ALDH16A1: variants seen among roughly 807,000 people sequenced by gnomAD.
ALDH16A1 encodes the protein aldehyde dehydrogenase family 16 member A1.
A neutral mutation model predicts 96.1 loss-of-function variants in ALDH16A1; 88 were observed. The ratio of observed to expected loss-of-function variants is 0.92; its 90% CI spans 0.77 to 1.09. ALDH16A1 has a LOEUF of 1.09. Ranked by LOEUF, ALDH16A1 falls within the 50% of genes least tolerant of loss-of-function variation. ALDH16A1 has a pLI of 0.00. For missense variants in ALDH16A1, 1,250 were observed against 1,112.6 expected (o/e 1.12, Z -1.76); for synonymous variants, 522 against 496.4 (o/e 1.05, Z -0.69).
At chr19:49,457,108 CAA>C (rs1050649181) in intron 1 of ALDH16A1, among the ~76,000 whole-genome samples, 1 of 119,574 alleles carries the variant, frequency 8.4e-6, no homozygotes. Flanking sequence ...GACTCCATCT[CAA>C]AAAAAAAAAA....
intron 16 of ALDH16A1, chr19:49,469,767 G>C (rs1407266774): frequency 6.6e-6 from 1 of 151,656 alleles, no homozygotes; most frequent in African/African-American, 2.4e-5. Flanking sequence ...TTTTAGTAGA[G>C]ATGGGGTTTC....
Position 49,468,432 on chromosome 19 carries a change from C to T in ALDH16A1, c.1990C>T (p.Leu664=), listed in dbSNP as rs780187646. The change falls in exon 15 of 17, where the codon CTG becomes TTG. Residue 664 remains leucine (L), a synonymous_variant. Transcript: ENST00000293350. This position sits in a 1 kb window ranked among gnomAD's most constrained non-coding sequence, Gnocchi z 4.4. ...GCGCCTGCGGGAGCCGCTGGGTGTG[C>T]TGGCTGTGGTGTGTCCGGACGAGTG... ...VLRLREPLGV[L]AVVCPDEWPL... is the part of the protein sequence containing the mutation. 2 of 1,601,324 alleles carry T rather than the reference C, an allele frequency of 1.2e-6. No homozygotes were observed. The highest frequency in any genetic ancestry group is 8.5e-7 in the Non-Finnish European group (1 of 1,179,874).
In ALDH16A1 at chr19:49,468,023, G is replaced by C. The variant is rs1455126261; in HGVS notation, c.1939-358G>C. On this transcript the variant is annotated intron_variant, in intron 14 of 16. Transcript: ENST00000293350. This position sits in a 1 kb window ranked among gnomAD's most constrained non-coding sequence, Gnocchi z 4.4. ...CAAAAAAAAAAAATTAGCCGGGCAT[G>C]GTGGCAGGTGCCTGTAGTCTCAGCT... Among the ~76,000 whole-genome samples, 1 of 151,736 alleles carries C rather than the reference G, an allele frequency of 6.6e-6. No individual in the cohort carries two copies. The highest frequency in any genetic ancestry group is 2.4e-5 in the African/African-American group (1 of 41,302).
chr19:49,453,507 C>A, intron 1 of ALDH16A1, 86 bp downstream of exon 1: 1 of 1,265,142 alleles, frequency 7.9e-7, no homozygotes, highest in Non-Finnish European at 1.1e-6. Context: ...TCATCCACTG[C>A]GGTAGCTCAG....
At chr19:49,469,204 G>C (rs541114147) in intron 16 of ALDH16A1, 4 of 541,522 alleles carry the variant, frequency 7.4e-6, no homozygotes, top group South Asian at 2.7e-5. Flanking sequence ...CAAAGACCTC[G>C]TCTCAGGGGA....
In ALDH16A1 at chr19:49,461,733, C is replaced by T. The variant is rs370344103; in HGVS notation, c.692C>T (p.Ala231Val). 2.0e-5 allele frequency: 33 copies of T among 1,609,826 alleles called. No individual in the cohort carries two copies. Among genetic ancestry groups the T allele is most frequent in the African/African-American group, 2.7e-5 (2 of 74,794 alleles). ...ATCCTGAATGTCCTCAGTGGCCCTG[C>T]GTCCCTGGTGCCCATCCTGGCCTCC... ...PGILNVLSGP[A>V]SLVPILASQP... Residue 231 changes from alanine (A) to valine (V), a missense_variant, in exon 6 of 17, where the codon GCG (alanine) becomes GTG (valine). By Grantham distance (64) the Ala-to-Val change is moderately conservative (BLOSUM62 0). Transcript: ENST00000293350.
chr19:49,464,536 C>G lies in ALDH16A1; in HGVS notation c.1437+14C>G. The G allele has an allele frequency of 6.2e-7, 1 of 1,613,466 alleles. No homozygotes were observed. The highest frequency in any genetic ancestry group is 8.5e-7 in the Non-Finnish European group (1 of 1,179,628). ...GGGGGCCCAGACGTGAGTACATCCC[C>G]TCCCCGTCACCAGCCCCCCCGCCGC... On this transcript the variant is annotated intron_variant, in intron 11 of 16. Transcript: ENST00000293350.
Position 49,468,911 on chromosome 19 carries a change from A to G in ALDH16A1, c.2172A>G (p.Gly724=). The change falls in exon 16 of 17, where the codon GGA becomes GGG. Residue 724 remains glycine, a synonymous_variant. Transcript: ENST00000293350. The surrounding 1 kb of genome is among the most constrained non-coding windows in gnomAD (Gnocchi z 4.4). ...FPAGLANVVT[G]DRDHLTRCLA... is the part of the protein sequence containing the mutation. ...CAGGCCTGGCCAACGTGGTGACAGG[A>G]GACCGGGACCATCTGACCCGCTGCC... The G allele has an allele frequency of 6.2e-7, 1 of 1,614,050 alleles. No individual in the cohort carries two copies. Among genetic ancestry groups the G allele is most frequent in the Non-Finnish European group, 8.5e-7 (1 of 1,180,018 alleles).
chr19:49,453,406 C>T lies in ALDH16A1; in HGVS notation c.75C>T (p.Ser25=). The T allele has an allele frequency of 6.4e-7, 1 of 1,554,178 alleles. No homozygotes were observed. Among genetic ancestry groups the T allele is most frequent in the Non-Finnish European group, 8.7e-7 (1 of 1,151,428 alleles). Residue 25 remains serine, a synonymous_variant, in exon 1 of 17, where the codon AGC becomes AGT. Transcript: ENST00000293350. The part of the protein sequence containing the change: ...TSLEYGPVPE[S]HACALAWLDT... ...TGGAGTACGGACCGGTGCCGGAGAG[C>T]CACGCATGCGCACTGGTGAGAGTCT...
intron 14 of ALDH16A1, among the ~76,000 whole-genome samples, chr19:49,466,800 C>T (rs887462273): frequency 7.2e-5 from 11 of 151,942 alleles, no homozygotes; most frequent in Admixed American, 6.6e-4. Flanking sequence ...GCAGTGGTTG[C>T]AGTGAGCCGA....
chr19:49,468,017 G>A lies in ALDH16A1; in HGVS notation c.1939-364G>A, dbSNP rs1056860792. The stretch of plus-strand genomic sequence containing the variant: ...AATATACAAAAAAAAAAAATTAGCC[G>A]GGCATGGTGGCAGGTGCCTGTAGTC... On this transcript the variant is annotated intron_variant, in intron 14 of 16. Coordinates refer to ENST00000293350, the MANE Select transcript of ALDH16A1 (RefSeq NM_153329.4). The surrounding 1 kb of genome is among the most constrained non-coding windows in gnomAD (Gnocchi z 4.4). Among the ~76,000 whole-genome samples the A allele has an allele frequency of 1.3e-5, 2 of 151,796 alleles. No individual in the cohort carries two copies. The highest frequency in any genetic ancestry group is 2.1e-4 in the South Asian group (1 of 4,802).
At chr19:49,465,033 T>C (rs2914664) in intron 12 of ALDH16A1, among the ~76,000 whole-genome samples, 115,379 of 151,014 alleles carry the variant, frequency 0.76, 44,800 homozygotes, top group African/African-American at 0.87. Flanking sequence ...TTGGGGTCCC[T>C]CAGAGGCTCA....
At position 49,470,645 on chromosome 19, in the gene ALDH16A1, T is replaced by C; in HGVS notation, c.*178T>C. 1.8e-6 allele frequency: 1 copy of C among 563,786 alleles called. No individual in the cohort carries two copies. Among genetic ancestry groups the C allele is most frequent in the Non-Finnish European group, 2.6e-6 (1 of 379,480 alleles). 34.9% of individuals were successfully genotyped at this position (563,786 alleles called of 1,614,324 possible). On this transcript the variant is annotated 3_prime_UTR_variant, in exon 17 of 17. Coordinates refer to ENST00000293350, the MANE Select transcript of ALDH16A1 (RefSeq NM_153329.4). ...CAACTTCTGGCAGATATGAGGCTTTTTTCTTTTTTTTTTTTTTTTTTGAGA... is the reference window on the plus strand; with the variant it reads ...CAACTTCTGGCAGATATGAGGCTTTCTTCTTTTTTTTTTTTTTTTTTGAGA...
At position 49,466,215 on chromosome 19, in the gene ALDH16A1, G is replaced by C. The variant is rs1292459678; in HGVS notation, c.1870G>C (p.Val624Leu). The C allele has an allele frequency of 6.6e-7, 1 of 1,526,412 alleles. No homozygotes were observed. Among genetic ancestry groups the C allele is most frequent in the East Asian group, 2.4e-5 (1 of 42,492 alleles). 94.6% of individuals were successfully genotyped at this position (1,526,412 alleles called of 1,614,324 possible). Reference sequence around the variant, plus strand: ...GGAGCTCAAGGCTGCGGAGGCGGAGGTGGAGCTGAGCGCAAGACGACTTCG... The same window carrying C: ...GGAGCTCAAGGCTGCGGAGGCGGAGCTGGAGCTGAGCGCAAGACGACTTCG... Reference protein sequence around the residue: ...GAELKAAEAEVELSARRLRAW... With the variant: ...GAELKAAEAELELSARRLRAW... Residue 624 changes from valine to leucine, a missense_variant, in exon 14 of 17, where the codon GTG (valine) becomes CTG (leucine). Coordinates refer to ENST00000293350, the MANE Select transcript of ALDH16A1 (RefSeq NM_153329.4).
chr19:49,470,673 A>G lies in ALDH16A1; in HGVS notation c.*206A>G, dbSNP rs2079238959. ...CTTTTTTTTTTTTTTTTTTGAGACA[A>G]CGTCTGGCTCTGTCACCCAGGCTGG... On this transcript the variant is annotated 3_prime_UTR_variant, in exon 17 of 17. Coordinates refer to ENST00000293350, the MANE Select transcript of ALDH16A1 (RefSeq NM_153329.4). 4.3e-6 allele frequency: 2 copies of G among 460,282 alleles called. No homozygotes were observed. The highest frequency in any genetic ancestry group is 7.1e-6 in the Non-Finnish European group (2 of 282,494). The allele number at this position is 460,282 out of a possible 1,614,324, so 28.5% of individuals were successfully genotyped here. A position where few individuals can be genotyped will look rare whatever the true frequency, so the allele number is the denominator to read the frequency against.
At position 49,466,084 on chromosome 19, in the gene ALDH16A1, G is replaced by T; in HGVS notation, c.1739G>T (p.Trp580Leu). The change falls in exon 14 of 17, where the codon TGG becomes TTG. Residue 580 changes from tryptophan to leucine, a missense_variant and splice_region_variant. Transcript: ENST00000293350. ...CACTGTGCGCTGTCTGCCCACAGCT[G>T]GGCGGGCCAGTCCCCAGGAGCCCGG... is the stretch of plus-strand genomic sequence containing the variant. ...VEAAHQAFPG[W>L]AGQSPGARAA... The T allele has an allele frequency of 1.9e-6, 3 of 1,542,122 alleles. No individual in the cohort carries two copies. Among genetic ancestry groups the T allele is most frequent in the Non-Finnish European group, 2.6e-6 (3 of 1,147,354 alleles).
At position 49,464,399 on chromosome 19, in the gene ALDH16A1, C is replaced by T. The variant is rs374982664; in HGVS notation, c.1332-18C>T. The T allele has an allele frequency of 1.7e-4, 262 of 1,586,774 alleles. 3 individuals carry two copies. The East Asian group carries it at 3.2e-3, about 19-fold the overall frequency. ...ACCGTCTGTTTTCCTCTGTTGGACA[C>T]CTTCATCTTCCCCACAGGCTCCAGG... On this transcript the variant is annotated intron_variant, in intron 10 of 16. Transcript: ENST00000293350.
At chr19:49,465,628 G>A in intron 12 of ALDH16A1, 110 bp from the exon 13 acceptor site, 6 of 1,337,278 alleles carry the variant, frequency 4.5e-6, no homozygotes, top group Non-Finnish European at 6.1e-6. Context: ...AGGGGTTTGG[G>A]GTGCCCCAGA....
At position 49,470,646 on chromosome 19, in the gene ALDH16A1, TTC is replaced by T; in HGVS notation, c.*181_*182del. ...AACTTCTGGCAGATATGAGGCTTTT[TTC>T]TTTTTTTTTTTTTTTTTTGAGACAA... On this transcript the variant is annotated 3_prime_UTR_variant, in exon 17 of 17. Transcript: ENST00000293350. The T allele has an allele frequency of 3.7e-6, 2 of 546,702 alleles. No homozygotes were observed. The highest frequency in any genetic ancestry group is 5.4e-6 in the Non-Finnish European group (2 of 367,160). 33.9% of individuals were successfully genotyped at this position (546,702 alleles called of 1,614,324 possible).
Sources: allele counts gnomAD v4.1 joint callset (sites outside exome capture counted in the v4.1 genomes callset), GRCh38; gene constraint gnomAD v4.1.1; non-coding constraint Gnocchi (gnomAD v3.1); transcripts MANE v1.5; gene names NCBI Gene and HGNC (gene_info 2026-07-23, HGNC 2026-07-21).